Variants in PTPRD observed in about 807,000 individuals in gnomAD.
PTPRD encodes the protein protein tyrosine phosphatase receptor type D.
A neutral mutation model predicts 214.5 loss-of-function variants in PTPRD; 34 were observed. The ratio of observed to expected loss-of-function variants is 0.16; its 90% CI spans 0.12 to 0.21. PTPRD has a LOEUF of 0.21. Ranked by LOEUF, PTPRD falls within the 10% of genes least tolerant of loss-of-function variation. The probability of loss-of-function intolerance (pLI) is 1.00; values close to 1 mark genes in which losing one functional copy is unlikely to be tolerated. For missense variants in PTPRD, 2,545 were observed against 2,398.7 expected (o/e 1.06, Z -1.27); for synonymous variants, 1,128 against 845.7 (o/e 1.33, Z -5.79).
At chr9:10,187,143 G>A (rs893003957) in intron 3 of PTPRD, among the ~76,000 whole-genome samples, 1 of 151,952 alleles carries the variant, frequency 6.6e-6, no homozygotes, top group African/African-American at 2.4e-5. Flanking sequence ...TTCTTAATTT[G>A]ATTGCCTGAT....
chr9:9,404,146 G>C (rs1270673623), intron 8 of PTPRD, among the ~76,000 whole-genome samples: 1 of 152,094 alleles, frequency 6.6e-6, no homozygotes, highest in Non-Finnish European at 1.5e-5. Context: ...AGATTAAGGA[G>C]TGCAAGTAGG....
chr9:9,394,139 C>T (rs1414808863), intron 9 of PTPRD, among the ~76,000 whole-genome samples: 2 of 152,094 alleles, frequency 1.3e-5, no homozygotes, highest in East Asian at 3.9e-4. Context: ...TTACATGTCC[C>T]TTTACATCAT....
At chr9:9,244,860 T>C (rs1204356848) in intron 9 of PTPRD, among the ~76,000 whole-genome samples, 2 of 152,052 alleles carry the variant, frequency 1.3e-5, no homozygotes, top group Admixed American at 6.5e-5. Context: ...ACCTACAGAA[T>C]GGGAGAAAAT....
At chr9:10,078,574 T>C (rs551085512) in intron 3 of PTPRD, among the ~76,000 whole-genome samples, 1 of 149,442 alleles carries the variant, frequency 6.7e-6, no homozygotes, top group Non-Finnish European at 1.5e-5. Flanking sequence ...TGTAGCCCTC[T>C]ACTCATTGTT....
rs76406604 is a variant in PTPRD, at chr9:8,799,548, T to C, written c.-103-65602A>G. ...AAGGAAGTGTTACCTTGCAGATTCC[T>C]AGTATCTGTAAAGTAAGCAAGGAAG... On this transcript the variant is annotated intron_variant, in intron 11 of 45. Coordinates refer to ENST00000381196, the MANE Select transcript of PTPRD (RefSeq NM_002839.4). Among the ~76,000 whole-genome samples, 381 of 152,336 alleles carry C rather than the reference T, an allele frequency of 2.5e-3. 2 individuals carry two copies. The highest frequency in any genetic ancestry group is 8.8e-3 in the African/African-American group (364 of 41,584).
chr9:9,077,327 A>G (rs1035407380), intron 10 of PTPRD, among the ~76,000 whole-genome samples: 25 of 151,908 alleles, frequency 1.6e-4, no homozygotes, highest in Non-Finnish European at 4.4e-5. Flanking sequence ...CCATGGGTGT[A>G]TATTTCTCCA....
chr9:9,533,577 A>G (rs970249597), intron 8 of PTPRD, among the ~76,000 whole-genome samples: 1 of 152,072 alleles, frequency 6.6e-6, no homozygotes. Flanking sequence ...TTTCCCTTGA[A>G]TAAAAACAAT....
chr9:9,276,476 T>C (rs2133271972), intron 9 of PTPRD, among the ~76,000 whole-genome samples: 1 of 151,372 alleles, frequency 6.6e-6, no homozygotes, highest in Admixed American at 6.6e-5. Flanking sequence ...GGCAATTAGA[T>C]GGCAATGGAA....
At chr9:9,364,902 G>A (rs1214172638) in intron 9 of PTPRD, among the ~76,000 whole-genome samples, 1 of 151,364 alleles carries the variant, frequency 6.6e-6, no homozygotes, top group African/African-American at 2.4e-5. Context: ...AATAATCCAG[G>A]CAAAACCTAA....
intron 9 of PTPRD, among the ~76,000 whole-genome samples, chr9:9,211,496 T>C (rs975682309): frequency 1.4e-5 from 2 of 146,440 alleles, no homozygotes; most frequent in African/African-American, 5.1e-5. Context: ...CCTTCCTTCC[T>C]CTCCCCCAGT....
At chr9:9,846,997 T>C (rs1275270802) in intron 5 of PTPRD, among the ~76,000 whole-genome samples, 1 of 152,116 alleles carries the variant, frequency 6.6e-6, no homozygotes, top group Non-Finnish European at 1.5e-5. Context: ...TTTTTGAGTA[T>C]GCCAGAAAAA....
intron 3 of PTPRD, among the ~76,000 whole-genome samples, chr9:10,172,338 A>T (rs1213008784): frequency 6.6e-6 from 1 of 152,198 alleles, no homozygotes; most frequent in Admixed American, 6.5e-5. Context: ...ATATGCAGAG[A>T]TCCTGTAAGA....
chr9:9,776,147 A>G (rs1002056698), intron 5 of PTPRD, among the ~76,000 whole-genome samples: 1 of 152,078 alleles, frequency 6.6e-6, no homozygotes, highest in Non-Finnish European at 1.5e-5. Context: ...CTGGAGGAAA[A>G]CTAAACCACT....
At chr9:9,833,617 C>T (rs144432921) in intron 5 of PTPRD, among the ~76,000 whole-genome samples, 1,192 of 100,522 alleles carry the variant, frequency 0.012, 23 homozygotes, top group African/African-American at 0.05. Flanking sequence ...CGTGGGAGTG[C>T]TATGGGAGAC....
intron 10 of PTPRD, among the ~76,000 whole-genome samples, chr9:9,148,283 AC>A (rs1438630351): frequency 6.6e-6 from 1 of 152,158 alleles, no homozygotes; most frequent in East Asian, 1.9e-4. Context: ...TGACATGGCA[AC>A]CTTTTTTTGG....
At chr9:9,212,948 C>A (rs1278607356) in intron 9 of PTPRD, among the ~76,000 whole-genome samples, 1 of 152,112 alleles carries the variant, frequency 6.6e-6, no homozygotes. Context: ...ATGGAATTAG[C>A]CTAGAGTTCT....
chr9:9,231,897 C>A (rs1207938118), intron 9 of PTPRD, among the ~76,000 whole-genome samples: 2 of 152,180 alleles, frequency 1.3e-5, no homozygotes, highest in South Asian at 2.1e-4. Flanking sequence ...GATAATCAGG[C>A]ATTTCTTCTC....
chr9:8,541,548 T>C (rs1469319402), intron 14 of PTPRD, among the ~76,000 whole-genome samples: 1 of 152,116 alleles, frequency 6.6e-6, no homozygotes, highest in Non-Finnish European at 1.5e-5. Flanking sequence ...ATTCTTTTTG[T>C]GGAGATGGGT....
At chr9:9,979,936 C>G (rs1480573555) in intron 4 of PTPRD, among the ~76,000 whole-genome samples, 10 of 152,072 alleles carry the variant, frequency 6.6e-5, no homozygotes, top group Non-Finnish European at 1.5e-4. Context: ...CCAGTTATGA[C>G]ACTGAGAAAA....
Sources: gnomAD v4.1 joint callset for allele counts (sites outside exome capture counted in the v4.1 genomes callset) on GRCh38, gnomAD v4.1.1 for gene constraint, MANE v1.5 for transcripts, NCBI Gene and HGNC (gene_info 2026-07-23, HGNC 2026-07-21) for gene names.